The following MACROD2 variants were observed in gnomAD, a reference collection of about 807,000 sequenced individuals.
MACROD2 encodes ADP-ribose glycohydrolase MACROD2.
A neutral mutation model predicts 70.4 loss-of-function variants in MACROD2; 36 were observed. The observed-to-expected ratio is 0.51, with a 90% CI of 0.39 to 0.68. The LOEUF is 0.68. Among genes scored for constraint, MACROD2 ranks in the 30% least tolerant of loss-of-function variants. The pLI, the probability that MACROD2 is intolerant of heterozygous loss-of-function variation, is 0.00. For synonymous variants in MACROD2, 172 were observed against 178.8 expected (o/e 0.96, Z 0.30); for missense variants, 496 against 538.4 (o/e 0.92, Z 0.78).
At chr20:15,160,426 T>C (rs1039091831) in intron 5 of MACROD2, among the ~76,000 whole-genome samples, 4 of 152,146 alleles carry the variant, frequency 2.6e-5, no homozygotes, top group Non-Finnish European at 4.4e-5. Flanking sequence ...TCAAGTTTGA[T>C]TTATTTGGAG....
chr20:14,537,655 G>A (rs1380231555), intron 4 of MACROD2, among the ~76,000 whole-genome samples: 2 of 152,108 alleles, frequency 1.3e-5, no homozygotes, highest in Admixed American at 6.6e-5. Flanking sequence ...AGTTCCATGC[G>A]GTTTCTATTG....
chr20:15,456,311 A>T (rs1479833485), intron 7 of MACROD2, among the ~76,000 whole-genome samples: 2 of 152,142 alleles, frequency 1.3e-5, no homozygotes, highest in Non-Finnish European at 2.9e-5. Flanking sequence ...TTCCCCTGGG[A>T]GAATCTTTCT....
Position 15,170,707 on chromosome 20 carries a change from C to A in MACROD2, c.419-59233C>A, listed in dbSNP as rs1037655494. On this transcript the variant is annotated intron_variant, in intron 5 of 17. Coordinates refer to ENST00000684519, the MANE Select transcript of MACROD2 (RefSeq NM_001351661.2). ...TTAAGTTGGGGGACTCTGGGAAATGCAATTCCTGCACAGCCATGTGACACA... is the reference window on the plus strand; with the variant it reads ...TTAAGTTGGGGGACTCTGGGAAATGAAATTCCTGCACAGCCATGTGACACA... Among the ~76,000 whole-genome samples, 18 of 152,192 alleles carry A rather than the reference C, an allele frequency of 1.2e-4. 1 individual carries two copies.
At chr20:15,636,071 CAAAAG>C (rs1299796335) in intron 8 of MACROD2, among the ~76,000 whole-genome samples, 2 of 27,970 alleles carry the variant, frequency 7.2e-5, no homozygotes, top group African/African-American at 2.0e-4. Flanking sequence ...GGCTCCCTCT[CAAAAG>C]AAAAAAAAAA....
chr20:14,374,519 C>T (rs2083354487), intron 3 of MACROD2, among the ~76,000 whole-genome samples: 2 of 152,234 alleles, frequency 1.3e-5, no homozygotes, highest in Middle Eastern at 3.4e-3. Context: ...AACAGCTGAG[C>T]ATATTCGATA....
At chr20:15,310,228 T>G (rs1206291575) in intron 6 of MACROD2, among the ~76,000 whole-genome samples, 2 of 152,202 alleles carry the variant, frequency 1.3e-5, no homozygotes, top group African/African-American at 4.8e-5. Flanking sequence ...TTATTTTTCT[T>G]TTACTATGCT....
intron 7 of MACROD2, among the ~76,000 whole-genome samples, chr20:15,440,232 C>G (rs1207575800): frequency 6.6e-6 from 1 of 152,128 alleles, no homozygotes; most frequent in Non-Finnish European, 1.5e-5. Context: ...TTGAAGTTTG[C>G]TTTCCAGGTA....
intron 8 of MACROD2, among the ~76,000 whole-genome samples, chr20:15,740,265 T>C (rs536519059): frequency 1.4e-4 from 22 of 152,260 alleles, no homozygotes; most frequent in African/African-American, 5.3e-4. Context: ...GGCTAGAAAA[T>C]GCAGTCTAAC....
intron 4 of MACROD2, among the ~76,000 whole-genome samples, chr20:14,505,889 A>G (rs1238107077): frequency 2.0e-5 from 3 of 152,246 alleles, no homozygotes; most frequent in Middle Eastern, 6.3e-3. Context: ...AAATAAAATC[A>G]TAACCATTTT....
At chr20:15,139,660 T>C (rs2076177019) in intron 5 of MACROD2, among the ~76,000 whole-genome samples, 1 of 152,154 alleles carries the variant, frequency 6.6e-6, no homozygotes, top group Admixed American at 6.5e-5. Flanking sequence ...TGCCCAATAT[T>C]GGTGCTCGTA....
chr20:15,923,694 A>G (rs2065446274), intron 10 of MACROD2, among the ~76,000 whole-genome samples: 1 of 152,234 alleles, frequency 6.6e-6, no homozygotes, highest in African/African-American at 2.4e-5. Flanking sequence ...CAGATAGAGT[A>G]ATTTCCAAGT....
At chr20:15,045,346 G>A (rs1201436975) in intron 5 of MACROD2, among the ~76,000 whole-genome samples, 1 of 152,182 alleles carries the variant, frequency 6.6e-6, no homozygotes, top group Non-Finnish European at 1.5e-5. Flanking sequence ...TGCCACCTCT[G>A]TGAGAGTGTT....
intron 15 of MACROD2, among the ~76,000 whole-genome samples, chr20:16,028,586 A>G (rs781718804): frequency 1.3e-5 from 2 of 152,178 alleles, no homozygotes; most frequent in Non-Finnish European, 2.9e-5. Flanking sequence ...TCACTTGGTA[A>G]AGACAGTTTC....
chr20:15,129,227 A>C (rs550033532), intron 5 of MACROD2, among the ~76,000 whole-genome samples: 1 of 152,216 alleles, frequency 6.6e-6, no homozygotes, highest in African/African-American at 2.4e-5. Context: ...AAGAAACTGG[A>C]AATATATGAA....
chr20:14,123,217 T>C (rs1168994072), intron 3 of MACROD2, among the ~76,000 whole-genome samples: 1 of 152,200 alleles, frequency 6.6e-6, no homozygotes, highest in East Asian at 1.9e-4. Context: ...TTAAATTATT[T>C]ATAGAAATAA....
chr20:15,425,573 G>A (rs764087726), intron 6 of MACROD2, among the ~76,000 whole-genome samples: 1 of 152,212 alleles, frequency 6.6e-6, no homozygotes, highest in Non-Finnish European at 1.5e-5. Flanking sequence ...TAAGGAATGT[G>A]TTGGCTAAGC....
chr20:15,428,905 T>A (rs2046332601), intron 6 of MACROD2, among the ~76,000 whole-genome samples: 1 of 152,108 alleles, frequency 6.6e-6, no homozygotes, highest in Admixed American at 6.5e-5. Context: ...CAAACATTTT[T>A]TTTTTCTCTC....
At chr20:14,686,652 C>G (rs2071006030) in intron 5 of MACROD2, among the ~76,000 whole-genome samples, 1 of 152,092 alleles carries the variant, frequency 6.6e-6, no homozygotes, top group Non-Finnish European at 1.5e-5. Context: ...GAGCAATAGG[C>G]TATAGCCTAT....
chr20:15,094,383 G>A (rs1016470460), intron 5 of MACROD2, among the ~76,000 whole-genome samples: 6 of 152,154 alleles, frequency 3.9e-5, no homozygotes, highest in Admixed American at 6.5e-5. Context: ...TCCAGCAGCA[G>A]TCTCTCAGTA....
Sources: allele counts gnomAD v4.1 joint callset (sites outside exome capture counted in the v4.1 genomes callset), GRCh38; gene constraint gnomAD v4.1.1; transcripts MANE v1.5; gene names NCBI Gene and HGNC (gene_info 2026-07-23, HGNC 2026-07-21).